Variants in HACD4 observed in about 807,000 individuals in gnomAD.
HACD4 encodes very-long-chain (3R)-3-hydroxyacyl-CoA dehydratase 4.
In HACD4, 35 loss-of-function variants were observed where a neutral mutation model predicts 33.3. That is an observed-to-expected ratio of 1.05 (90% CI 0.80 to 1.39). The LOEUF (loss-of-function observed/expected upper bound fraction) is 1.39. Ranked by LOEUF, HACD4 falls within the 40% of genes most tolerant of loss-of-function variation. The pLI is 0.00. For missense variants in HACD4, 323 were observed against 276.5 expected, an observed-to-expected ratio of 1.17 and a Z score of -1.19; for synonymous variants, 118 against 98.0, an observed-to-expected ratio of 1.20 and a Z score of -1.21.
Position 21,006,355 on chromosome 9 carries a change from A to AG in HACD4, c.*681dup, listed in dbSNP as rs2132764329. On this transcript the variant is annotated 3_prime_UTR_variant, in exon 7 of 7. Coordinates refer to ENST00000495827, the MANE Select transcript of HACD4 (RefSeq NM_001010915.5). This position sits in a 1 kb window ranked among gnomAD's most constrained non-coding sequence, Gnocchi z 4.6. ...GGACATCTATCTGCAAACTGGGAAGAGGGCCCTCACCAGAAACTGCATTAG... is the reference window on the plus strand; with the variant it reads ...GGACATCTATCTGCAAACTGGGAAGAGGGGCCCTCACCAGAAACTGCATTAG... The AG allele has an allele frequency of 6.5e-6, 1 of 152,822 alleles. No individual in the cohort carries two copies. The highest frequency in any genetic ancestry group is 2.4e-5 in the African/African-American group (1 of 41,556). 9.5% of individuals were successfully genotyped at this position (152,822 alleles called of 1,614,324 possible).
intron 1 of HACD4, 114 bp from the exon 2 acceptor site, chr9:21,029,512 A>G: frequency 1.7e-6 from 1 of 595,964 alleles, no homozygotes. Context: ...AAACTGTTTC[A>G]TATCAGTCTT....
intron 4 of HACD4, 55 bp downstream of exon 4, chr9:21,015,843 T>C: frequency 1.8e-6 from 2 of 1,086,240 alleles, no homozygotes; most frequent in East Asian, 2.4e-5. Flanking sequence ...CTAGTACTGG[T>C]TTCACTGCAG....
chr9:21,023,537 G>A (rs1019827625), intron 3 of HACD4, among the ~76,000 whole-genome samples: 1 of 149,712 alleles, frequency 6.7e-6, no homozygotes, highest in African/African-American at 2.5e-5. Context: ...TGGAGGACCA[G>A]TTCCCCCCAA....
chr9:21,014,930 G>A (rs546955444), intron 4 of HACD4, among the ~76,000 whole-genome samples: 4 of 152,230 alleles, frequency 2.6e-5, no homozygotes, highest in African/African-American at 9.6e-5. Context: ...AGTAAGCATA[G>A]CCAAGAGTAA....
At position 21,001,829 on chromosome 9, in the gene HACD4, G is replaced by C. The variant is rs1452626914; in HGVS notation, c.*5208C>G. 1 of 152,096 alleles carries C rather than the reference G, an allele frequency of 6.6e-6. No homozygotes were observed. Among genetic ancestry groups the C allele is most frequent in the Admixed American group, 6.6e-5 (1 of 15,266 alleles). The allele number at this position is 152,096 out of a possible 1,614,324, so 9.4% of individuals were successfully genotyped here. A position where few individuals can be genotyped will look rare whatever the true frequency, so the allele number is the denominator to read the frequency against. On this transcript the variant is annotated 3_prime_UTR_variant, in exon 7 of 7. Transcript: ENST00000495827. ...ACATCCCCAGATAAACAAAAGCTGA[G>C]AAAGTATGTTACCACTAGACCTGCC...
chr9:21,027,853 A>T (rs1409495919), intron 2 of HACD4, among the ~76,000 whole-genome samples: 1 of 152,178 alleles, frequency 6.6e-6, no homozygotes, highest in Non-Finnish European at 1.5e-5. Context: ...AAATGCGCCG[A>T]GCCGGGCACA....
chr9:21,009,754 A>G (rs1425527329), intron 5 of HACD4, among the ~76,000 whole-genome samples: 1 of 152,318 alleles, frequency 6.6e-6, no homozygotes, highest in African/African-American at 2.4e-5. Flanking sequence ...CTAGATCTCA[A>G]AAATGTATTC....
chr9:21,023,928 C>G (rs1254348974), intron 3 of HACD4, among the ~76,000 whole-genome samples: 2 of 152,204 alleles, frequency 1.3e-5, no homozygotes, highest in Non-Finnish European at 2.9e-5. Context: ...ACTGTATCGA[C>G]ATGGTTTTTT....
chr9:21,028,960 C>G (rs968453917), intron 2 of HACD4, among the ~76,000 whole-genome samples: 2 of 152,146 alleles, frequency 1.3e-5, no homozygotes, highest in Non-Finnish European at 2.9e-5. Context: ...GATTTCTCTG[C>G]ATAAAATGTT....
intron 1 of HACD4, chr9:21,031,312 C>T: frequency 3.0e-6 from 1 of 328,704 alleles, no homozygotes; most frequent in Non-Finnish European, 4.4e-6. Flanking sequence ...GGTAGCCATG[C>T]AGCCTGTCCT....
intron 3 of HACD4, among the ~76,000 whole-genome samples, chr9:21,026,054 A>G (rs559666023): frequency 1.2e-4 from 19 of 152,300 alleles, no homozygotes; most frequent in African/African-American, 4.6e-4. Context: ...TCCTCTTTCC[A>G]TTGACGTTTA....
At chr9:21,021,876 CTACTT>C in intron 3 of HACD4, among the ~76,000 whole-genome samples, 1 of 152,262 alleles carries the variant, frequency 6.6e-6, no homozygotes, top group South Asian at 2.1e-4. Flanking sequence ...CTGGAAAAAA[CTACTT>C]TAAAGTTCAT....
rs1186399262 is a variant in HACD4 at position 21,002,130 on chromosome 9, A to G, written c.*4907T>C. 1 of 152,144 alleles carries G rather than the reference A, an allele frequency of 6.6e-6. No homozygotes were observed. Among genetic ancestry groups the G allele is most frequent in the East Asian group, 1.9e-4 (1 of 5,204 alleles). The allele number at this position is 152,144 out of a possible 1,614,324, so 9.4% of individuals were successfully genotyped here. A position where few individuals can be genotyped will look rare whatever the true frequency, so the allele number is the denominator to read the frequency against. On this transcript the variant is annotated 3_prime_UTR_variant, in exon 7 of 7. Transcript: ENST00000495827. The stretch of plus-strand genomic sequence containing the variant: ...GAGATATAAAGAGCAGAATTTTTGT[A>G]TATTTTTGAAGTTCAGCTGGCATAA...
At chr9:21,022,627 A>G (rs1051763555) in intron 3 of HACD4, among the ~76,000 whole-genome samples, 1 of 18,330 alleles carries the variant, frequency 5.5e-5, no homozygotes, top group African/African-American at 8.6e-5. Flanking sequence ...AATGCTCATC[A>G]TCACTGGCCA....
Position 21,022,919 on chromosome 9 carries a change from G to T in HACD4, c.270+3677C>A, listed in dbSNP as rs930051587. 2.0e-5 allele frequency among the ~76,000 whole-genome samples: 3 copies of T among 151,856 alleles called. No homozygotes were observed. The South Asian group carries it at 6.2e-4, about 32-fold the overall frequency. Reference sequence around the variant, plus strand: ...TGCTGCTATAAAGACACATGCACACGTATGTTTATTGCGGCACTATTCACA... The same window carrying T: ...TGCTGCTATAAAGACACATGCACACTTATGTTTATTGCGGCACTATTCACA... On this transcript the variant is annotated intron_variant, in intron 3 of 6. Coordinates refer to ENST00000495827, the MANE Select transcript of HACD4 (RefSeq NM_001010915.5).
At chr9:21,019,162 G>A (rs1025554056) in intron 3 of HACD4, among the ~76,000 whole-genome samples, 16 of 151,942 alleles carry the variant, frequency 1.1e-4, no homozygotes, top group Non-Finnish European at 2.2e-4. Context: ...TAATTATTGA[G>A]TGCACTGTTC....
Position 21,006,636 on chromosome 9 carries a change from G to T in HACD4, c.*401C>A. 4.3e-6 allele frequency: 1 copy of T among 234,546 alleles called. No homozygotes were observed. The highest frequency in any genetic ancestry group is 8.3e-6 in the Non-Finnish European group (1 of 120,510). The allele number at this position is 234,546 out of a possible 1,614,324, so 14.5% of individuals were successfully genotyped here. A position where few individuals can be genotyped will look rare whatever the true frequency, so the allele number is the denominator to read the frequency against. On this transcript the variant is annotated 3_prime_UTR_variant, in exon 7 of 7. Coordinates refer to ENST00000495827, the MANE Select transcript of HACD4 (RefSeq NM_001010915.5). This position sits in a 1 kb window ranked among gnomAD's most constrained non-coding sequence, Gnocchi z 4.6. Reference sequence around the variant, plus strand: ...TATTTTCCATCCCTCTTCTCCTACAGATCTATTTGGGAACTTGGAAGTGAA... The same window carrying T: ...TATTTTCCATCCCTCTTCTCCTACATATCTATTTGGGAACTTGGAAGTGAA...
chr9:21,017,335 G>T lies in HACD4; in HGVS notation c.271-1325C>A, dbSNP rs141340806. 2.6e-5 allele frequency among the ~76,000 whole-genome samples: 4 copies of T among 152,230 alleles called. No individual in the cohort carries two copies. The East Asian group carries it at 7.7e-4, about 29-fold the overall frequency. ...GGTGAGTCAAGAGGGTCTATGTTTG[G>T]CTAAGGGGAATTATATATGATTCAA... is the stretch of plus-strand genomic sequence containing the variant. On this transcript the variant is annotated intron_variant, in intron 3 of 6. Coordinates refer to ENST00000495827, the MANE Select transcript of HACD4 (RefSeq NM_001010915.5).
At chr9:21,025,599 G>A (rs1345533722) in intron 3 of HACD4, among the ~76,000 whole-genome samples, 1 of 152,130 alleles carries the variant, frequency 6.6e-6, no homozygotes, top group African/African-American at 2.4e-5. Flanking sequence ...AACCTTTACT[G>A]TCCCATAAGA....
Sources: allele counts gnomAD v4.1 joint callset (sites outside exome capture counted in the v4.1 genomes callset), GRCh38; gene constraint gnomAD v4.1.1; non-coding constraint Gnocchi (gnomAD v3.1); transcripts MANE v1.5; gene names NCBI Gene and HGNC (gene_info 2026-07-23, HGNC 2026-07-21).